The following SGK1 variants were observed in gnomAD, a reference collection of about 807,000 sequenced individuals.
The protein encoded by SGK1 is serum/glucocorticoid regulated kinase 1.
A neutral mutation model predicts 64.2 loss-of-function variants in SGK1; 26 were observed. The ratio of observed to expected loss-of-function variants is 0.40; its 90% CI spans 0.30 to 0.56. The LOEUF is 0.56. Among genes scored for constraint, SGK1 ranks in the 20% least tolerant of loss-of-function variants. The pLI, the probability that SGK1 is intolerant of heterozygous loss-of-function variation, is 0.38. For synonymous variants in SGK1, 265 were observed against 239.7 expected (o/e 1.11, Z -0.98); for missense variants, 519 against 645.6 (o/e 0.80, Z 2.12).
At chr6:134,178,317 A>G (rs576314194) in intron 3 of SGK1, among the ~76,000 whole-genome samples, 1 of 152,230 alleles carries the variant, frequency 6.6e-6, no homozygotes, top group East Asian at 1.9e-4. Context: ...CTTTTCTTCC[A>G]ACCGGATACG....
rs368701386 is a variant in SGK1, at chr6:134,235,541, TTTTA to T, written c.285+26388_285+26391del. The stretch of plus-strand genomic sequence containing the variant: ...AGGAGGAAGTGGAAAAAATAGATAT[TTTTA>T]TTTATTTATTTATTTATTTATTTAT... On this transcript the variant is annotated intron_variant, in intron 2 of 13. Coordinates refer to ENST00000367858, the MANE Select transcript of SGK1 (RefSeq NM_001143676.3). Among the ~76,000 whole-genome samples, 213 of 92,122 alleles carry T rather than the reference TTTTA, an allele frequency of 2.3e-3. 2 individuals are homozygous for T. Among genetic ancestry groups the T allele is most frequent in the Middle Eastern group, 9.8e-3 (2 of 204 alleles). The allele number at this position is 92,122 out of a possible 152,430, so 60.4% of individuals were successfully genotyped here. A position where few individuals can be genotyped will look rare whatever the true frequency, so the allele number is the denominator to read the frequency against.
chr6:134,232,414 AG>A (rs67339165), intron 2 of SGK1, among the ~76,000 whole-genome samples: 49,132 of 68,170 alleles, frequency 0.72, 16,119 homozygotes, highest in South Asian at 0.85. Flanking sequence ...AGAAAGAAAG[AG>A]AAAGAAAGAA....
intron 2 of SGK1, chr6:134,261,652 T>A: frequency 1.7e-6 from 1 of 582,892 alleles, no homozygotes; most frequent in Middle Eastern, 4.5e-4. Flanking sequence ...GGAATGTTGA[T>A]GGCAAAGTAG....
At chr6:134,182,540 ATG>A (rs1775347327) in intron 3 of SGK1, among the ~76,000 whole-genome samples, 1 of 151,936 alleles carries the variant, frequency 6.6e-6, no homozygotes. Context: ...CGCCTCTCTC[ATG>A]TTGGAGTTTT....
chr6:134,289,654 G>T (rs1476257500), intron 1 of SGK1, among the ~76,000 whole-genome samples: 2 of 151,440 alleles, frequency 1.3e-5, no homozygotes, highest in Non-Finnish European at 2.9e-5. Context: ...TACATCTAAA[G>T]TACATCTCGA....
intron 1 of SGK1, among the ~76,000 whole-genome samples, chr6:134,283,926 CT>C (rs1372279142): frequency 7.9e-6 from 1 of 127,100 alleles, no homozygotes; most frequent in Non-Finnish European, 1.6e-5. Context: ...ATCTTTCACT[CT>C]TTTAAGTGCC....
chr6:134,192,114 C>T (rs1289997296), intron 3 of SGK1, among the ~76,000 whole-genome samples: 2 of 151,778 alleles, frequency 1.3e-5, no homozygotes, highest in Non-Finnish European at 2.9e-5. Flanking sequence ...CAGGCGTGAG[C>T]CACCGCGCCC....
chr6:134,184,127 C>T (rs1775381944), intron 3 of SGK1, among the ~76,000 whole-genome samples: 1 of 152,028 alleles, frequency 6.6e-6, no homozygotes. Flanking sequence ...TTTGTCTTTG[C>T]TGTGCCCTTC....
chr6:134,285,532 ATTTTTTTT>A (rs370972130), intron 1 of SGK1, among the ~76,000 whole-genome samples: 3 of 139,512 alleles, frequency 2.2e-5, no homozygotes, highest in Non-Finnish European at 3.1e-5. Context: ...ACCAGCATCA[ATTTTTTTT>A]TTTTTTTACT....
intron 3 of SGK1, among the ~76,000 whole-genome samples, chr6:134,176,821 G>A (rs1175768030): frequency 1.3e-5 from 2 of 152,162 alleles, no homozygotes; most frequent in East Asian, 1.9e-4. Context: ...TCAACTCCTT[G>A]GTTTGCTTTG....
chr6:134,303,712 A>G (rs1582775458), intron 1 of SGK1, among the ~76,000 whole-genome samples: 1 of 151,774 alleles, frequency 6.6e-6, no homozygotes, highest in South Asian at 2.1e-4. Context: ...TGAGCCAAGG[A>G]GGTTGAGGCT....
intron 2 of SGK1, among the ~76,000 whole-genome samples, chr6:134,258,073 A>G (rs1196792742): frequency 6.6e-6 from 1 of 152,008 alleles, no homozygotes; most frequent in Admixed American, 6.6e-5. Flanking sequence ...TCATCATTTC[A>G]TAATTTCATC....
chr6:134,305,342 C>G (rs1216083739), intron 1 of SGK1, among the ~76,000 whole-genome samples: 8 of 112,076 alleles, frequency 7.1e-5, no homozygotes, highest in African/African-American at 2.8e-4. Flanking sequence ...CCAGCCTGGG[C>G]AACAGAGTGA....
chr6:134,306,148 G>A (rs537270438), intron 1 of SGK1, among the ~76,000 whole-genome samples: 10 of 152,250 alleles, frequency 6.6e-5, no homozygotes, highest in African/African-American at 2.2e-4. Context: ...GGCCGGGCGC[G>A]GTGGCTCAAA....
chr6:134,207,321 A>C (rs1280169990), intron 3 of SGK1, 35 bp downstream of exon 3: 1 of 1,287,314 alleles, frequency 7.8e-7, no homozygotes, highest in Non-Finnish European at 1.1e-6. Flanking sequence ...TATCCTGTAC[A>C]TAACAGGAAA....
Position 134,261,925 on chromosome 6 carries a change from G to C in SGK1, c.285+8C>G. 6.3e-7 allele frequency: 1 copy of C among 1,598,102 alleles called. No individual in the cohort carries two copies. The highest frequency in any genetic ancestry group is 8.6e-7 in the Non-Finnish European group (1 of 1,165,398). ...AGGAGAATAGATCCAGAGCGAACAT[G>C]AACTTACTTCACACCCAGATTGAGT... is the stretch of plus-strand genomic sequence containing the variant. On this transcript the variant is annotated splice_region_variant and intron_variant, in intron 2 of 13. Transcript: ENST00000367858.
intron 3 of SGK1, among the ~76,000 whole-genome samples, chr6:134,183,456 C>A (rs1230891164): frequency 6.6e-6 from 1 of 152,164 alleles, no homozygotes; most frequent in African/African-American, 2.4e-5. Flanking sequence ...TCTTGACAGG[C>A]ACTGTCTTAA....
chr6:134,236,100 T>C (rs927610787), intron 2 of SGK1, among the ~76,000 whole-genome samples: 1 of 152,150 alleles, frequency 6.6e-6, no homozygotes, highest in Non-Finnish European at 1.5e-5. Flanking sequence ...TTTCTGTATA[T>C]ATTTTAATGT....
At chr6:134,212,815 C>G (rs1354640647) in intron 2 of SGK1, among the ~76,000 whole-genome samples, 1 of 152,146 alleles carries the variant, frequency 6.6e-6, no homozygotes, top group Non-Finnish European at 1.5e-5. Flanking sequence ...AACTATATAC[C>G]TATTTGGGAA....
Sources: gnomAD v4.1 joint callset for allele counts (sites outside exome capture counted in the v4.1 genomes callset) on GRCh38, gnomAD v4.1.1 for gene constraint, MANE v1.5 for transcripts, NCBI Gene and HGNC (gene_info 2026-07-23, HGNC 2026-07-21) for gene names.